Variants in SLC6A15 observed in about 807,000 individuals in gnomAD.
The protein encoded by SLC6A15 is sodium-dependent neutral amino acid transporter B(0)AT2.
A neutral mutation model predicts 68.5 loss-of-function variants in SLC6A15; 33 were observed. The observed-to-expected ratio is 0.48, with a 90% CI of 0.37 to 0.64. The LOEUF (loss-of-function observed/expected upper bound fraction) is 0.64. Among genes scored for constraint, SLC6A15 ranks in the 30% least tolerant of loss-of-function variants. The pLI is 0.00. For synonymous variants in SLC6A15, 347 were observed against 301.0 expected (o/e 1.15, Z -1.58); for missense variants, 747 against 874.3 (o/e 0.85, Z 1.84).
chr12:84,869,487 A>T (rs1871201019), intron 9 of SLC6A15, among the ~76,000 whole-genome samples: 1 of 145,278 alleles, frequency 6.9e-6, no homozygotes, highest in South Asian at 2.2e-4. Context: ...AAAAAAAAAA[A>T]GCCTTGGGGA....
At position 84,892,287 on chromosome 12, in the gene SLC6A15, A is replaced by T; in HGVS notation, c.-167T>A. On this transcript the variant is annotated 5_prime_UTR_variant, in exon 2 of 12. Coordinates refer to ENST00000266682, the MANE Select transcript of SLC6A15 (RefSeq NM_182767.6). ...AAAGCCTTATGGATTCTGAATCCGT[A>T]TGTCCAGTATTCTGTAGGTACCTGT... 1 of 598,386 alleles carries T rather than the reference A, an allele frequency of 1.7e-6. No individual in the cohort carries two copies. Among genetic ancestry groups the T allele is most frequent in the Non-Finnish European group, 2.8e-6 (1 of 356,104 alleles). 37.1% of individuals were successfully genotyped at this position (598,386 alleles called of 1,614,324 possible).
At chr12:84,881,743 A>G in intron 5 of SLC6A15, 1 of 892,202 alleles carries the variant, frequency 1.1e-6, no homozygotes, top group Non-Finnish European at 1.3e-6. Flanking sequence ...TACTTGTGAC[A>G]CTGTTTATTT....
intron 5 of SLC6A15, chr12:84,882,199 T>A (rs927316561): frequency 4.6e-5 from 45 of 985,166 alleles, no homozygotes; most frequent in Non-Finnish European, 5.3e-5. Context: ...ATGACCACAG[T>A]TGGTTTTCTT....
chr12:84,874,038 T>C (rs1320606694), intron 6 of SLC6A15, among the ~76,000 whole-genome samples: 1 of 152,228 alleles, frequency 6.6e-6, no homozygotes, highest in Non-Finnish European at 1.5e-5. Flanking sequence ...ACAATTCAGA[T>C]CAGCCAAGTG....
intron 1 of SLC6A15, among the ~76,000 whole-genome samples, chr12:84,895,048 C>T (rs140094500): frequency 6.6e-6 from 1 of 151,868 alleles, no homozygotes; most frequent in East Asian, 1.9e-4. Context: ...ATAAAATTAT[C>T]TAAGCTCTCT....
At chr12:84,893,148 C>T (rs183598644) in intron 1 of SLC6A15, among the ~76,000 whole-genome samples, 1 of 152,150 alleles carries the variant, frequency 6.6e-6, no homozygotes, top group East Asian at 1.9e-4. Context: ...ATGAAACGTA[C>T]AAAGCATGTT....
rs751072103 is a variant in SLC6A15 at position 84,861,888 on chromosome 12, T to C, written c.1937A>G (p.Asp646Gly). 3.7e-6 allele frequency: 6 copies of C among 1,613,950 alleles called. No homozygotes were observed. Among genetic ancestry groups the C allele is most frequent in the Non-Finnish European group, 4.2e-6 (5 of 1,179,926 alleles). ...VFIVRRFNLI[D>G]DSSGNLASVT... is the part of the protein sequence containing the mutation. The stretch of plus-strand genomic sequence containing the variant: ...AGATGCTAAATTACCAGAACTATCA[T>C]CTATAAGGTTGAAGCGACGAACAAT... Residue 646 changes from aspartate to glycine, a missense_variant, in exon 12 of 12, where the codon GAT becomes GGT. Coordinates refer to ENST00000266682, the MANE Select transcript of SLC6A15 (RefSeq NM_182767.6).
intron 10 of SLC6A15, 21 bp from the exon 11 acceptor site, chr12:84,863,622 T>A: frequency 1.4e-6 from 2 of 1,475,258 alleles, no homozygotes; most frequent in Non-Finnish European, 1.8e-6. Context: ...AGAAAGTATT[T>A]AATTATTCCT....
intron 5 of SLC6A15, chr12:84,880,948 G>C (rs916222900): frequency 1.1e-6 from 1 of 895,062 alleles, no homozygotes; most frequent in Non-Finnish European, 1.3e-6. Context: ...TCATGTATTG[G>C]TTGCTTAATT....
chr12:84,897,852 G>C (rs1872692893), intron 1 of SLC6A15, among the ~76,000 whole-genome samples: 1 of 152,216 alleles, frequency 6.6e-6, no homozygotes, highest in Non-Finnish European at 1.5e-5. Flanking sequence ...TCTTAGTAAA[G>C]AGGAGCCATG....
At chr12:84,870,413 A>G in intron 9 of SLC6A15, 65 bp downstream of exon 9, 1 of 1,193,134 alleles carries the variant, frequency 8.4e-7, no homozygotes, top group Non-Finnish European at 1.1e-6. Flanking sequence ...TTTCATCTCT[A>G]ATCTTTCACC....
chr12:84,898,504 C>T (rs1308011452), intron 1 of SLC6A15, among the ~76,000 whole-genome samples: 1 of 152,126 alleles, frequency 6.6e-6, no homozygotes, highest in Non-Finnish European at 1.5e-5. Flanking sequence ...AATATTTATA[C>T]ATAGATTTTA....
chr12:84,907,142 G>T (rs1348449134), intron 1 of SLC6A15, among the ~76,000 whole-genome samples: 2 of 152,126 alleles, frequency 1.3e-5, no homozygotes, highest in African/African-American at 2.4e-5. Flanking sequence ...GAGGTCAGGA[G>T]ATTGAGACCA....
At chr12:84,911,890 C>T in intron 1 of SLC6A15, 1 of 152,428 alleles carries the variant, frequency 6.6e-6, no homozygotes, top group Admixed American at 6.5e-5. Context: ...AGCCACGTGC[C>T]TTTCGTACGG....
intron 1 of SLC6A15, among the ~76,000 whole-genome samples, chr12:84,896,641 G>A (rs1027968041): frequency 2.0e-5 from 3 of 152,102 alleles, no homozygotes; most frequent in South Asian, 4.2e-4. Flanking sequence ...TTGAAAATGC[G>A]TAGTTCCAAA....
chr12:84,863,471 G>A lies in SLC6A15; in HGVS notation c.1786C>T (p.Pro596Ser). The A allele has an allele frequency of 6.3e-7, 1 of 1,584,782 alleles. No homozygotes were observed. The highest frequency in any genetic ancestry group is 8.5e-7 in the Non-Finnish European group (1 of 1,169,872). ...IASVVNMGLS[P>S]PGYNAWIEDK... ...TCAATCCATGCGTTATAGCCAGGAG[G>A]ACTTAATCCCATATTCACAACACTA... The change falls in exon 11 of 12, where the codon CCT becomes TCT. Residue 596 changes from proline to serine, a missense_variant. Physicochemically the swap from Pro to Ser is moderately conservative, Grantham distance 74. Transcript: ENST00000266682.
Position 84,881,687 on chromosome 12 carries a change from A to C in SLC6A15, c.756+2172T>G, listed in dbSNP as rs1013084649. 7 of 960,220 alleles carry C rather than the reference A, an allele frequency of 7.3e-6. 1 individual carries two copies. The highest frequency in any genetic ancestry group is 8.7e-6 in the Non-Finnish European group (7 of 807,318). 59.5% of individuals were successfully genotyped at this position (960,220 alleles called of 1,614,324 possible). On this transcript the variant is annotated intron_variant, in intron 5 of 11. Coordinates refer to ENST00000266682, the MANE Select transcript of SLC6A15 (RefSeq NM_182767.6). ...CTTCTTTTAGCTGCTAAATCCTCTA[A>C]GTTGTTTTTCCATGTGCTAGCCTTA...
chr12:84,864,835 T>C (rs529286609), intron 10 of SLC6A15, among the ~76,000 whole-genome samples: 2 of 152,264 alleles, frequency 1.3e-5, no homozygotes, highest in East Asian at 3.9e-4. Context: ...TCCAAAAATA[T>C]AATATAATAC....
chr12:84,863,101 C>G (rs577620537), intron 11 of SLC6A15, among the ~76,000 whole-genome samples: 2 of 152,072 alleles, frequency 1.3e-5, no homozygotes, highest in Non-Finnish European at 2.9e-5. Flanking sequence ...TGGGATACAA[C>G]TTCATAAATT....
Sources: gnomAD v4.1 joint callset for allele counts (sites outside exome capture counted in the v4.1 genomes callset) on GRCh38, gnomAD v4.1.1 for gene constraint, MANE v1.5 for transcripts, NCBI Gene and HGNC (gene_info 2026-07-23, HGNC 2026-07-21) for gene names.